WDR43: variants seen among roughly 807,000 people sequenced by gnomAD.
The protein encoded by WDR43 is WD repeat-containing protein 43.
Under a neutral mutation model 91.4 loss-of-function variants are expected in WDR43, and 13 were observed. That is an observed-to-expected ratio of 0.14 (90% CI 0.09 to 0.23). WDR43 has a LOEUF of 0.23. WDR43 is among the 10% of genes least tolerant of loss of function. The probability of loss-of-function intolerance (pLI) is 1.00; values close to 1 mark genes in which losing one functional copy is unlikely to be tolerated. For missense variants in WDR43, 780 were observed against 809.4 expected, an observed-to-expected ratio of 0.96 and a Z score of 0.44; for synonymous variants, 331 against 287.9, an observed-to-expected ratio of 1.15 and a Z score of -1.51.
At chr2:28,895,898 A>G (rs900418275) in intron 1 of WDR43, 1 of 152,224 alleles carries the variant, frequency 6.6e-6, no homozygotes, top group African/African-American at 2.4e-5. Context: ...GGAGAACTGT[A>G]AAAGCTATTT....
intron 14 of WDR43, among the ~76,000 whole-genome samples, chr2:28,938,688 C>T (rs1036177679): frequency 4.6e-5 from 7 of 152,194 alleles, no homozygotes; most frequent in South Asian, 2.1e-4. Flanking sequence ...TCACCCAACT[C>T]CTGCCTTGTC....
intron 11 of WDR43, among the ~76,000 whole-genome samples, chr2:28,930,786 A>G (rs138546645): frequency 1.3e-5 from 2 of 152,340 alleles, no homozygotes; most frequent in East Asian, 1.9e-4. Context: ...CATTTAGAAT[A>G]GTACAGTGGA....
intron 6 of WDR43, 71 bp from the exon 7 acceptor site, chr2:28,922,848 G>A (rs1671060247): frequency 8.9e-7 from 1 of 1,124,536 alleles, no homozygotes; most frequent in Middle Eastern, 2.2e-4. Flanking sequence ...GGACAGCTGA[G>A]TTTTCATAAG....
chr2:28,913,234 G>A (rs183087016), intron 4 of WDR43, among the ~76,000 whole-genome samples: 24 of 152,238 alleles, frequency 1.6e-4, no homozygotes, highest in African/African-American at 4.8e-4. Context: ...GATTACAGGC[G>A]TGAGCCACCG....
intron 4 of WDR43, 78 bp downstream of exon 4, chr2:28,912,788 T>A (rs998747252): frequency 3.2e-6 from 5 of 1,540,234 alleles, no homozygotes; most frequent in Non-Finnish European, 4.4e-6. Flanking sequence ...AACCATAAGA[T>A]ATTATTTTAA....
Position 28,897,607 on chromosome 2 carries a change from G to A in WDR43, c.225+2684G>A, listed in dbSNP as rs774365820. Among the ~76,000 whole-genome samples, 4 of 152,160 alleles carry A rather than the reference G, an allele frequency of 2.6e-5. 1 individual carries two copies. In the South Asian group the frequency reaches 8.3e-4, roughly 31 times the overall value. On this transcript the variant is annotated intron_variant, in intron 1 of 17. Coordinates refer to ENST00000407426, the MANE Select transcript of WDR43 (RefSeq NM_015131.3). ...TGGACTCGTTTTACCATTTAATTTG[G>A]CATTTAATATGGTAAATCAATTTGT...
chr2:28,924,850 G>T (rs1222020764), intron 7 of WDR43, 132 bp from the exon 8 acceptor site: 3 of 998,500 alleles, frequency 3.0e-6, no homozygotes, highest in Non-Finnish European at 4.4e-6. Context: ...ATGCTCCGGA[G>T]ACCCAGGTGA....
chr2:28,899,472 A>G (rs1670541593), intron 1 of WDR43, among the ~76,000 whole-genome samples: 1 of 152,178 alleles, frequency 6.6e-6, no homozygotes. Context: ...CAAAATAGGA[A>G]AATGGGTGTA....
chr2:28,918,065 A>G, intron 6 of WDR43, 70 bp downstream of exon 6: 1 of 1,324,110 alleles, frequency 7.6e-7, no homozygotes. Flanking sequence ...CAAGGTTTTG[A>G]TGATTTAATG....
At chr2:28,927,104 G>C (rs371213084) in intron 9 of WDR43, 17 of 519,560 alleles carry the variant, frequency 3.3e-5, no homozygotes, top group Non-Finnish European at 6.1e-5. Flanking sequence ...GCTGCTGGCT[G>C]AGTTTCAGAG....
intron 3 of WDR43, among the ~76,000 whole-genome samples, chr2:28,910,272 C>T (rs1670765615): frequency 6.6e-6 from 1 of 152,148 alleles, no homozygotes; most frequent in South Asian, 2.1e-4. Context: ...GCTTATCAGC[C>T]TCGTCTAGGC....
rs145529864 is a variant in WDR43 at position 28,906,271 on chromosome 2, A to G, written c.364-189A>G. 3.9e-3 allele frequency among the ~76,000 whole-genome samples: 598 copies of G among 152,250 alleles called. 5 individuals are homozygous for G. The highest frequency in any genetic ancestry group is 0.014 in the African/African-American group (564 of 41,540). ...TGCCAATGACTGGCCTCAGATCACC[A>G]GTGGAACCTTTTCAAAAAATACACC... On this transcript the variant is annotated intron_variant, in intron 2 of 17. Coordinates refer to ENST00000407426, the MANE Select transcript of WDR43 (RefSeq NM_015131.3).
chr2:28,912,725 T>A lies in WDR43; in HGVS notation c.606+15T>A, dbSNP rs749214347. 6.8e-6 allele frequency: 11 copies of A among 1,611,496 alleles called. No individual in the cohort carries two copies. In the South Asian group the frequency reaches 8.8e-5, roughly 13 times the overall value. On this transcript the variant is annotated intron_variant, in intron 4 of 17. Transcript: ENST00000407426. Reference sequence around the variant, plus strand: ...AAGTCTACAGGGTGAGCGAATCAAATTATTTGTAAGCATAAAAATTATAGA... The same window carrying A: ...AAGTCTACAGGGTGAGCGAATCAAAATATTTGTAAGCATAAAAATTATAGA...
chr2:28,911,951 G>A (rs1278992275), intron 3 of WDR43, among the ~76,000 whole-genome samples: 1 of 152,156 alleles, frequency 6.6e-6, no homozygotes, highest in Admixed American at 6.5e-5. Context: ...TAAGTGAATA[G>A]CCAAGTTCCC....
At chr2:28,937,597 A>G (rs1267785291) in intron 13 of WDR43, among the ~76,000 whole-genome samples, 1 of 152,154 alleles carries the variant, frequency 6.6e-6, no homozygotes, top group Non-Finnish European at 1.5e-5. Flanking sequence ...AAAATGCAAA[A>G]CCAGTCGAAC....
chr2:28,929,490 A>C (rs935235341), intron 10 of WDR43, 89 bp from the exon 11 acceptor site: 4 of 1,151,886 alleles, frequency 3.5e-6, no homozygotes, highest in Admixed American at 3.7e-5. Context: ...GTGTAAATCT[A>C]TTTTATTTTA....
At chr2:28,934,440 A>T (rs1156452765) in intron 11 of WDR43, among the ~76,000 whole-genome samples, 2 of 152,238 alleles carry the variant, frequency 1.3e-5, no homozygotes, top group Non-Finnish European at 2.9e-5. Context: ...GTACTGCAGT[A>T]AAGTTGTAAA....
At chr2:28,910,234 A>G (rs868438762) in intron 3 of WDR43, among the ~76,000 whole-genome samples, 16 of 152,328 alleles carry the variant, frequency 1.1e-4, no homozygotes, top group African/African-American at 2.2e-4. Flanking sequence ...AGCATTTTCA[A>G]TACTGAGTGG....
chr2:28,924,217 C>T (rs546164690), intron 7 of WDR43, among the ~76,000 whole-genome samples: 1 of 152,240 alleles, frequency 6.6e-6, no homozygotes, highest in African/African-American at 2.4e-5. Context: ...TCAACCTGGA[C>T]ACTGGGTGTG....
Sources: allele counts gnomAD v4.1 joint callset (sites outside exome capture counted in the v4.1 genomes callset), GRCh38; gene constraint gnomAD v4.1.1; transcripts MANE v1.5; gene names NCBI Gene and HGNC (gene_info 2026-07-23, HGNC 2026-07-21).